Variants in LRP1B observed in about 807,000 individuals in gnomAD.
LRP1B encodes the protein low-density lipoprotein receptor-related protein 1B.
LRP1B carries 217 observed loss-of-function variants against 556.6 expected under a neutral mutation model. The observed-to-expected ratio is 0.39, with a 90% CI of 0.35 to 0.44. The LOEUF (loss-of-function observed/expected upper bound fraction) is 0.44. LRP1B is among the 20% of genes least tolerant of loss of function. The probability of loss-of-function intolerance (pLI) is 1.00; values close to 1 mark genes in which losing one functional copy is unlikely to be tolerated. For missense variants in LRP1B, 5,053 were observed against 5,620.8 expected, an observed-to-expected ratio of 0.90 and a Z score of 3.23; for synonymous variants, 2,047 against 1,865.8, an observed-to-expected ratio of 1.10 and a Z score of -2.50.
chr2:140,902,807 G>A, intron 23 of LRP1B, 113 bp downstream of exon 23: 1 of 1,099,576 alleles, frequency 9.1e-7, no homozygotes, highest in Non-Finnish European at 1.3e-6. Context: ...ATAGTTAAAT[G>A]CTTTATCTAA....
intron 65 of LRP1B, among the ~76,000 whole-genome samples, chr2:140,443,621 G>A (rs1442232746): frequency 6.6e-6 from 1 of 152,184 alleles, no homozygotes; most frequent in Non-Finnish European, 1.5e-5. Context: ...CTTGACAGGT[G>A]CTCCATTAGT....
At chr2:140,716,643 T>A (rs768556236) in intron 36 of LRP1B, 39 bp downstream of exon 36, 1 of 1,558,558 alleles carries the variant, frequency 6.4e-7, no homozygotes, top group Admixed American at 2.0e-5. Context: ...CCTAACAAAA[T>A]AGGTGTGAAA....
intron 1 of LRP1B, among the ~76,000 whole-genome samples, chr2:141,856,732 TC>T (rs1698064649): frequency 6.6e-6 from 1 of 152,162 alleles, no homozygotes; most frequent in Admixed American, 6.5e-5. Context: ...GGATTTGGCT[TC>T]TTTCACAGCA....
At chr2:142,122,370 A>G (rs1236635461) in intron 1 of LRP1B, among the ~76,000 whole-genome samples, 1 of 152,096 alleles carries the variant, frequency 6.6e-6, no homozygotes, top group Non-Finnish European at 1.5e-5. Context: ...TAATACAACA[A>G]CGGACAAAGA....
chr2:141,165,651 CAGTT>C (rs1680220687), intron 7 of LRP1B, among the ~76,000 whole-genome samples: 1 of 151,790 alleles, frequency 6.6e-6, no homozygotes, highest in African/African-American at 2.4e-5. Flanking sequence ...TGTTACTAAT[CAGTT>C]AAAGTATAAT....
intron 41 of LRP1B, among the ~76,000 whole-genome samples, chr2:140,607,345 A>C (rs558291087): frequency 8.5e-5 from 13 of 152,228 alleles, no homozygotes; most frequent in African/African-American, 3.1e-4. Context: ...GCCTCTTTGT[A>C]AAACAGTCTG....
At chr2:142,100,493 C>G (rs1706534216) in intron 1 of LRP1B, among the ~76,000 whole-genome samples, 1 of 151,856 alleles carries the variant, frequency 6.6e-6, no homozygotes, top group Non-Finnish European at 1.5e-5. Flanking sequence ...TAAATTCTGC[C>G]CCTTTCATTT....
At chr2:140,887,854 G>A (rs1298014274) in intron 23 of LRP1B, among the ~76,000 whole-genome samples, 8 of 152,132 alleles carry the variant, frequency 5.3e-5, no homozygotes, top group African/African-American at 1.7e-4. Flanking sequence ...CAAATCTTTA[G>A]TGGTAGAAAA....
chr2:140,354,982 C>A (rs1682144650), intron 75 of LRP1B, among the ~76,000 whole-genome samples: 1 of 151,806 alleles, frequency 6.6e-6, no homozygotes, highest in Admixed American at 6.6e-5. Context: ...TTCTTTGACA[C>A]TGAAATAGAA....
intron 7 of LRP1B, among the ~76,000 whole-genome samples, chr2:141,085,692 A>G (rs1021205165): frequency 1.4e-4 from 21 of 152,318 alleles, no homozygotes; most frequent in African/African-American, 4.8e-4. Flanking sequence ...GACCTAGCAA[A>G]CTAATACATA....
At chr2:140,643,664 G>A (rs570595) in intron 41 of LRP1B, among the ~76,000 whole-genome samples, 1 of 152,106 alleles carries the variant, frequency 6.6e-6, no homozygotes, top group African/African-American at 2.4e-5. Context: ...CTTGTATTTT[G>A]TGTAAAATGT....
chr2:141,745,378 G>A (rs1369229814), intron 2 of LRP1B, among the ~76,000 whole-genome samples: 2 of 152,108 alleles, frequency 1.3e-5, no homozygotes, highest in Non-Finnish European at 2.9e-5. Flanking sequence ...CATCTGAGCT[G>A]GAACTTAAAC....
intron 7 of LRP1B, among the ~76,000 whole-genome samples, chr2:141,131,587 C>T: frequency 6.6e-6 from 1 of 150,412 alleles, no homozygotes; most frequent in Admixed American, 6.6e-5. Flanking sequence ...AAAAATATTC[C>T]AAATGAATTA....
intron 31 of LRP1B, among the ~76,000 whole-genome samples, chr2:140,819,494 T>TA (rs1331365235): frequency 2.0e-5 from 3 of 151,810 alleles, no homozygotes; most frequent in Non-Finnish European, 4.4e-5. Flanking sequence ...ACTCAATAGT[T>TA]AAAAAAATGC....
intron 4 of LRP1B, among the ~76,000 whole-genome samples, chr2:141,247,949 T>C: frequency 6.6e-6 from 1 of 152,192 alleles, no homozygotes; most frequent in Non-Finnish European, 1.5e-5. Context: ...GGCTCATGCC[T>C]GTAATCCCAG....
At chr2:140,909,889 G>A (rs1694365342) in intron 21 of LRP1B, among the ~76,000 whole-genome samples, 1 of 150,902 alleles carries the variant, frequency 6.6e-6, no homozygotes, top group South Asian at 2.1e-4. Context: ...GGGTTAAAAT[G>A]TACAAGAACT....
At chr2:140,787,557 GATTTT>G (rs1689949762) in intron 32 of LRP1B, among the ~76,000 whole-genome samples, 4 of 81,906 alleles carry the variant, frequency 4.9e-5, no homozygotes. Flanking sequence ...TAAAACAGAA[GATTTT>G]TTTTTTTTTT....
intron 7 of LRP1B, among the ~76,000 whole-genome samples, chr2:141,094,305 A>G (rs910767469): frequency 6.6e-6 from 1 of 152,200 alleles, no homozygotes; most frequent in Admixed American, 6.5e-5. Flanking sequence ...TAGTATTTTA[A>G]CCTTAAAATT....
chr2:140,451,765 T>G (rs79586934), intron 62 of LRP1B, among the ~76,000 whole-genome samples: 6,520 of 146,838 alleles, frequency 0.044, 235 homozygotes, highest in Non-Finnish European at 0.057. Context: ...AAAATAAGGC[T>G]CAACATTTTT....
Sources: allele counts gnomAD v4.1 joint callset (sites outside exome capture counted in the v4.1 genomes callset), GRCh38; gene constraint gnomAD v4.1.1; transcripts MANE v1.5; gene names NCBI Gene and HGNC (gene_info 2026-07-23, HGNC 2026-07-21).